Variants in ZNF83 observed in about 807,000 individuals in gnomAD.
The protein encoded by ZNF83 is zinc finger protein 816B.
For missense variants in ZNF83, 552 were observed against 629.9 expected (o/e 0.88, Z 1.32); for synonymous variants, 209 against 213.0 (o/e 0.98, Z 0.17).
chr19:52,622,591 A>T (rs1410611084), intron 2 of ZNF83, among the ~76,000 whole-genome samples: 1 of 152,202 alleles, frequency 6.6e-6, no homozygotes, highest in African/African-American at 2.4e-5. Flanking sequence ...TGAAGTGCTT[A>T]AAAAGGCAGC....
intron 1 of ZNF83, among the ~76,000 whole-genome samples, chr19:52,676,260 G>A (rs948147246): frequency 1.3e-5 from 2 of 152,238 alleles, no homozygotes; most frequent in African/African-American, 4.8e-5. Context: ...CGGGATTGCA[G>A]ACGGAGTCTC....
chr19:52,663,000 G>A (rs2061599628), intron 1 of ZNF83, among the ~76,000 whole-genome samples: 1 of 151,894 alleles, frequency 6.6e-6, no homozygotes, highest in South Asian at 2.1e-4. Flanking sequence ...CCGTCTCTAT[G>A]AAAAGTACAA....
intron 1 of ZNF83, among the ~76,000 whole-genome samples, chr19:52,686,502 A>T (rs1323214047): frequency 2.4e-5 from 2 of 83,874 alleles, no homozygotes; most frequent in African/African-American, 1.1e-4. Flanking sequence ...GAAACCAGAA[A>T]GAAAAAAAAA....
At chr19:52,660,907 C>G (rs2147278484) in intron 1 of ZNF83, 1 of 153,448 alleles carries the variant, frequency 6.5e-6, no homozygotes, top group Admixed American at 6.5e-5. Flanking sequence ...GCTCTGTCAC[C>G]ATGATGGGGT....
chr19:52,674,740 T>C (rs184746366), intron 1 of ZNF83, among the ~76,000 whole-genome samples: 230 of 152,336 alleles, frequency 1.5e-3, no homozygotes, highest in African/African-American at 5.0e-3. Context: ...TTGAAATCTA[T>C]GAACATTGAT....
intron 1 of ZNF83, among the ~76,000 whole-genome samples, chr19:52,665,780 G>C (rs1318492167): frequency 6.6e-6 from 1 of 152,122 alleles, no homozygotes; most frequent in Non-Finnish European, 1.5e-5. Flanking sequence ...GGGGCCTCAT[G>C]CGTCTGGAGT....
At chr19:52,637,607 TCA>T (rs951387927) in intron 1 of ZNF83, among the ~76,000 whole-genome samples, 2 of 152,172 alleles carry the variant, frequency 1.3e-5, no homozygotes, top group African/African-American at 4.8e-5. Context: ...TGGGTCTTTC[TCA>T]TTCTTTTCTC....
chr19:52,613,545 A>C (rs747313426), exon 3 of ZNF83: 4 of 1,614,104 alleles, frequency 2.5e-6, no homozygotes, highest in Non-Finnish European at 3.4e-6. Context: ...GTTTCTCTCC[A>C]GTGTGGATTC....
At chr19:52,612,965 T>A in exon 3 of ZNF83, 1 of 1,472,068 alleles carries the variant, frequency 6.8e-7, no homozygotes, top group South Asian at 1.4e-5. Flanking sequence ...CCAGTATAAA[T>A]TATTGTATGT....
chr19:52,688,110 AACATGTC>A (rs1306208292), intron 1 of ZNF83, among the ~76,000 whole-genome samples: 1 of 152,086 alleles, frequency 6.6e-6, no homozygotes, highest in African/African-American at 2.4e-5. Flanking sequence ...CACAGAAGTC[AACATGTC>A]ACAACTAATC....
intron 1 of ZNF83, among the ~76,000 whole-genome samples, chr19:52,680,727 C>T (rs919766507): frequency 1.4e-5 from 2 of 142,398 alleles, no homozygotes; most frequent in African/African-American, 2.9e-5. Flanking sequence ...ATTCTCCTGC[C>T]TCAGCCTCCC....
At chr19:52,657,053 T>C (rs2061515361) in intron 2 of ZNF83, among the ~76,000 whole-genome samples, 2 of 151,810 alleles carry the variant, frequency 1.3e-5, no homozygotes, top group African/African-American at 4.8e-5. Flanking sequence ...AGAGCAGAGT[T>C]TGAAGTGATC....
At chr19:52,658,731 T>A (rs965766991) in intron 2 of ZNF83, among the ~76,000 whole-genome samples, 1 of 152,094 alleles carries the variant, frequency 6.6e-6, no homozygotes, top group African/African-American at 2.4e-5. Flanking sequence ...CTAGGGACAA[T>A]AGAGGCTTCC....
upstream of ZNF83, among the ~76,000 whole-genome samples, chr19:52,640,447 T>C (rs2061286811): frequency 6.6e-6 from 1 of 152,232 alleles, no homozygotes; most frequent in Non-Finnish European, 1.5e-5. Context: ...AAGGTCACTT[T>C]ATCACTCCAT....
intron 2 of ZNF83, among the ~76,000 whole-genome samples, chr19:52,615,958 C>A (rs1332805233): frequency 6.6e-6 from 1 of 152,186 alleles, no homozygotes; most frequent in East Asian, 1.9e-4. Flanking sequence ...CCTGCCTCAG[C>A]CTCCTGAGTA....
chr19:52,676,420 G>A (rs1186531037), intron 1 of ZNF83, among the ~76,000 whole-genome samples: 4 of 151,986 alleles, frequency 2.6e-5, no homozygotes, highest in South Asian at 2.1e-4. Context: ...GGGAAGTGAG[G>A]AGCGTCTCTG....
rs201162034 is a variant in ZNF83 at position 52,626,105 on chromosome 19, CCAAA to C, written c.-234+8957_-234+8960del. ...ACAACTTCCTATCCCACTCATGATA[CCAAA>C]CAGACAAAAAAGAGTTATTCCTCTA... is the stretch of plus-strand genomic sequence containing the variant. On this transcript the variant is annotated intron_variant, in intron 2 of 2. Transcript: ENST00000301096. Among the ~76,000 whole-genome samples the C allele has an allele frequency of 9.1e-3, 1,381 of 152,212 alleles. 21 individuals carry two copies. Among genetic ancestry groups the C allele is most frequent in the African/African-American group, 0.031 (1,281 of 41,534 alleles).
intron 1 of ZNF83, among the ~76,000 whole-genome samples, chr19:52,669,768 C>A (rs1474416888): frequency 6.6e-6 from 1 of 152,162 alleles, no homozygotes; most frequent in Non-Finnish European, 1.5e-5. Context: ...TGTACTTATT[C>A]TTGTCAGGTG....
chr19:52,658,303 C>T (rs2061534053), intron 2 of ZNF83, among the ~76,000 whole-genome samples: 3 of 151,972 alleles, frequency 2.0e-5, no homozygotes, highest in South Asian at 2.1e-4. Flanking sequence ...TCAGCACTCA[C>T]GCCTGTAATT....
Sources: gnomAD v4.1 joint callset for allele counts (sites outside exome capture counted in the v4.1 genomes callset) on GRCh38, gnomAD v4.1.1 for gene constraint, MANE v1.5 for transcripts, NCBI Gene and HGNC (gene_info 2026-07-23, HGNC 2026-07-21) for gene names.